The following LRIG2 variants were observed in gnomAD, a reference collection of about 807,000 sequenced individuals.
The protein encoded by LRIG2 is leucine rich repeats and immunoglobulin like domains 2, also known as leucine-rich repeats and immunoglobulin-like domains protein 2.
In LRIG2, 93 loss-of-function variants were observed where a neutral mutation model predicts 107.8. The ratio of observed to expected loss-of-function variants is 0.86; its 90% CI spans 0.73 to 1.03. The LOEUF is 1.03. Among genes scored for constraint, LRIG2 ranks in the 50% least tolerant of loss-of-function variants. LRIG2 has a pLI of 0.00. For missense variants in LRIG2, 1,226 were observed against 1,296.0 expected (o/e 0.95, Z 0.83); for synonymous variants, 471 against 470.6 (o/e 1.00, Z -0.01).
rs1416340748 is a variant in LRIG2 at position 113,125,828 on chromosome 1, G to GTAT, written c.*1729_*1731dup. 1.3e-5 allele frequency: 2 copies of GTAT among 152,206 alleles called. No homozygotes were observed. The highest frequency in any genetic ancestry group is 2.9e-5 in the Non-Finnish European group (2 of 68,044). 9.4% of individuals were successfully genotyped at this position (152,206 alleles called of 1,614,324 possible). A position where few individuals can be genotyped will look rare whatever the true frequency, so the allele number is the denominator to read the frequency against. ...TGCAACAGGTGTATTATTTAAATGA[G>GTAT]TATTTGAAATTCTGTGAACAGGAAT... On this transcript the variant is annotated 3_prime_UTR_variant, in exon 18 of 18. Transcript: ENST00000361127.
intron 1 of LRIG2, among the ~76,000 whole-genome samples, chr1:113,078,634 C>T (rs1418812542): frequency 2.1e-5 from 3 of 140,056 alleles, no homozygotes; most frequent in Admixed American, 1.5e-4. Flanking sequence ...CAGTTCCTTT[C>T]TACATTTTTT....
intron 1 of LRIG2, among the ~76,000 whole-genome samples, chr1:113,075,564 C>CT (rs1232301327): frequency 2.0e-5 from 3 of 151,978 alleles, no homozygotes; most frequent in African/African-American, 7.2e-5. Context: ...AGCACAGCCT[C>CT]TTTGTTATGC....
At chr1:113,082,818 T>A (rs979199056) in intron 1 of LRIG2, among the ~76,000 whole-genome samples, 5 of 152,172 alleles carry the variant, frequency 3.3e-5, no homozygotes, top group African/African-American at 1.2e-4. Context: ...CATGCCTGAC[T>A]AATGATTTTA....
In LRIG2 at chr1:113,099,411, T is replaced by A. The variant is rs1287306399; in HGVS notation, c.1172+626T>A. On this transcript the variant is annotated intron_variant, in intron 9 of 17. Coordinates refer to ENST00000361127, the MANE Select transcript of LRIG2 (RefSeq NM_014813.3). ...ATCACCATGCCTAGCTAATTAAAAT[T>A]TTTTTTTTTGTAGAGACAGAGTCTC... Among the ~76,000 whole-genome samples, 4 of 149,758 alleles carry A rather than the reference T, an allele frequency of 2.7e-5. No individual in the cohort carries two copies. In the East Asian group the frequency reaches 5.9e-4, roughly 22 times the overall value.
At chr1:113,077,081 T>A (rs1653012606) in intron 1 of LRIG2, among the ~76,000 whole-genome samples, 1 of 152,204 alleles carries the variant, frequency 6.6e-6, no homozygotes, top group Non-Finnish European at 1.5e-5. Context: ...TTATATAGAT[T>A]TAGCTTTATG....
At chr1:113,107,391 C>A (rs984030425) in intron 11 of LRIG2, among the ~76,000 whole-genome samples, 2 of 152,096 alleles carry the variant, frequency 1.3e-5, no homozygotes, top group African/African-American at 4.8e-5. Context: ...GGCCACCCTT[C>A]TTCCCCTCTC....
chr1:113,091,027 T>C (rs1653797350), intron 1 of LRIG2, among the ~76,000 whole-genome samples: 1 of 151,630 alleles, frequency 6.6e-6, no homozygotes, highest in Admixed American at 6.6e-5. Context: ...GATATTTGTA[T>C]TTTTAGTAGA....
At position 113,119,423 on chromosome 1, in the gene LRIG2, A is replaced by G; in HGVS notation, c.2871A>G (p.Leu957=). ...ATCCTCCCCAGGATACTACTGCCCT[A>G]GAGAGCCTGATACCGTCAGCCAACA... is the stretch of plus-strand genomic sequence containing the variant. The part of the protein sequence containing the change: ...LVHPPQDTTA[L]ESLIPSANRE... The change falls in exon 17 of 18, where the codon CTA becomes CTG. Residue 957 remains leucine (L), a synonymous_variant. Coordinates refer to ENST00000361127, the MANE Select transcript of LRIG2 (RefSeq NM_014813.3). 6.2e-7 allele frequency: 1 copy of G among 1,614,084 alleles called. No individual in the cohort carries two copies. Among genetic ancestry groups the G allele is most frequent in the South Asian group, 1.1e-5 (1 of 91,072 alleles).
chr1:113,109,724 G>A (rs1245364093), intron 12 of LRIG2, among the ~76,000 whole-genome samples: 5 of 152,066 alleles, frequency 3.3e-5, no homozygotes, highest in Non-Finnish European at 7.3e-5. Context: ...TCGCCGTGTT[G>A]GTCAGGCTGG....
In LRIG2 at chr1:113,114,583, C is replaced by T. The variant is rs749571396; in HGVS notation, c.2237C>T (p.Ala746Val). The T allele has an allele frequency of 1.2e-6, 2 of 1,614,058 alleles. No individual in the cohort carries two copies. Among genetic ancestry groups the T allele is most frequent in the Non-Finnish European group, 1.7e-6 (2 of 1,180,000 alleles). ...LLVTERHFFA[A>V]ANQLLIIVDA... ...GTGACAGAACGACATTTCTTTGCTG[C>T]AGCCAATCAGCTTCTCATCATTGTA... Residue 746 changes from alanine (A) to valine (V), a missense_variant, in exon 15 of 18, where the codon GCA becomes GTA. Ala to Val is a moderately conservative substitution (Grantham distance 64). Coordinates refer to ENST00000361127, the MANE Select transcript of LRIG2 (RefSeq NM_014813.3).
intron 11 of LRIG2, among the ~76,000 whole-genome samples, chr1:113,107,267 T>C (rs1387787593): frequency 1.3e-5 from 2 of 152,186 alleles, no homozygotes; most frequent in African/African-American, 4.8e-5. Flanking sequence ...ACAGAGTCCA[T>C]ACTCAAATTT....
intron 17 of LRIG2, 39 bp downstream of exon 17, chr1:113,119,562 T>A (rs1445284667): frequency 1.9e-6 from 3 of 1,587,032 alleles, no homozygotes; most frequent in Admixed American, 1.7e-5. Flanking sequence ...GTTTTTACTT[T>A]CGTCTAATTG....
intron 1 of LRIG2, among the ~76,000 whole-genome samples, chr1:113,080,836 GTTTTTTTTTTTT>G (rs1007236694): frequency 3.5e-5 from 3 of 84,610 alleles, no homozygotes; most frequent in African/African-American, 5.0e-5. Flanking sequence ...AACACTAAAA[GTTTTTTTTTTTT>G]TTTTTTTTTT....
intron 13 of LRIG2, 30 bp from the exon 14 acceptor site, chr1:113,112,449 A>C (rs1259875241): frequency 6.3e-7 from 1 of 1,585,290 alleles, no homozygotes; most frequent in Admixed American, 1.7e-5. Context: ...TCCCTTGCCC[A>C]CTTTTTCTTG....
intron 17 of LRIG2, 30 bp from the exon 18 acceptor site, chr1:113,123,845 C>T (rs1655371526): frequency 6.3e-7 from 1 of 1,576,898 alleles, no homozygotes; most frequent in African/African-American, 1.3e-5. Flanking sequence ...TTACCAGTCA[C>T]TACTGATAAT....
intron 1 of LRIG2, among the ~76,000 whole-genome samples, chr1:113,080,222 T>C (rs1653204460): frequency 6.6e-6 from 1 of 151,624 alleles, no homozygotes; most frequent in South Asian, 2.1e-4. Flanking sequence ...GGTTTCACCA[T>C]GTTGGCCAGG....
chr1:113,081,469 C>T (rs1375137807), intron 1 of LRIG2, among the ~76,000 whole-genome samples: 1 of 151,626 alleles, frequency 6.6e-6, no homozygotes, highest in African/African-American at 2.4e-5. Flanking sequence ...GGACTACAGG[C>T]ACGCGCCACC....
At chr1:113,089,223 C>G (rs762225458) in intron 1 of LRIG2, among the ~76,000 whole-genome samples, 1 of 152,190 alleles carries the variant, frequency 6.6e-6, no homozygotes, top group Non-Finnish European at 1.5e-5. Flanking sequence ...TAATGTGTCC[C>G]TGTTGCTAGC....
intron 1 of LRIG2, among the ~76,000 whole-genome samples, chr1:113,090,912 C>T (rs981330622): frequency 6.6e-6 from 1 of 150,966 alleles, no homozygotes. Context: ...AGTACAGTGA[C>T]GTGAACTTGG....
Sources: allele counts gnomAD v4.1 joint callset (sites outside exome capture counted in the v4.1 genomes callset), GRCh38; gene constraint gnomAD v4.1.1; transcripts MANE v1.5; gene names NCBI Gene and HGNC (gene_info 2026-07-23, HGNC 2026-07-21).